Variants in PTBP2 observed in about 807,000 individuals in gnomAD.
The protein encoded by PTBP2 is polypyrimidine tract-binding protein 2.
PTBP2 carries 13 observed loss-of-function variants against 61.4 expected under a neutral mutation model. The observed-to-expected ratio is 0.21, with a 90% CI of 0.14 to 0.34. The LOEUF (loss-of-function observed/expected upper bound fraction) is 0.34, where lower values mean the gene tolerates loss of function less well. Among genes scored for constraint, PTBP2 ranks in the 10% least tolerant of loss-of-function variants. The probability of loss-of-function intolerance (pLI) is 1.00; values close to 1 mark genes in which losing one functional copy is unlikely to be tolerated. For synonymous variants in PTBP2, 215 were observed against 218.5 expected, an observed-to-expected ratio of 0.98 and a Z score of 0.14; for missense variants, 405 against 642.6, an observed-to-expected ratio of 0.63 and a Z score of 4.00.
At chr1:96,742,108 C>T (rs1330005079) in intron 2 of PTBP2, among the ~76,000 whole-genome samples, 1 of 152,154 alleles carries the variant, frequency 6.6e-6, no homozygotes, top group Non-Finnish European at 1.5e-5. Flanking sequence ...CTTATTTATA[C>T]TTGCCTTAAA....
At chr1:96,759,935 A>T (rs1013921415) in intron 3 of PTBP2, among the ~76,000 whole-genome samples, 20 of 152,236 alleles carry the variant, frequency 1.3e-4, no homozygotes, top group African/African-American at 4.8e-4. Context: ...AGCAAGTCAC[A>T]TCTTACGTAG....
intron 2 of PTBP2, among the ~76,000 whole-genome samples, chr1:96,730,266 C>T (rs1179203706): frequency 6.6e-6 from 1 of 151,822 alleles, no homozygotes; most frequent in Non-Finnish European, 1.5e-5. Flanking sequence ...TTAGTTTGAT[C>T]TTCATTTTCT....
At chr1:96,790,809 A>G (rs1570958771) in intron 8 of PTBP2, among the ~76,000 whole-genome samples, 1 of 152,264 alleles carries the variant, frequency 6.6e-6, no homozygotes, top group Non-Finnish European at 1.5e-5. Flanking sequence ...TTAGCCCAGA[A>G]GTATGTAATT....
downstream of PTBP2, chr1:96,816,290 G>T (rs1029033436): frequency 1.3e-5 from 2 of 152,150 alleles, no homozygotes; most frequent in Non-Finnish European, 2.9e-5. Context: ...AATTAACCCA[G>T]GCCTTGGCAT....
chr1:96,787,123 C>T (rs1370170939), intron 8 of PTBP2, among the ~76,000 whole-genome samples: 4 of 152,110 alleles, frequency 2.6e-5, no homozygotes, highest in Admixed American at 6.5e-5. Flanking sequence ...CGGGTTCAAG[C>T]GATTCTCCCG....
intron 3 of PTBP2, among the ~76,000 whole-genome samples, chr1:96,767,198 T>G (rs1656830520): frequency 6.6e-6 from 1 of 152,178 alleles, no homozygotes; most frequent in Non-Finnish European, 1.5e-5. Flanking sequence ...ATTTTACTTC[T>G]GCTTAATATC....
At chr1:96,737,852 A>G (rs1293224539) in intron 2 of PTBP2, among the ~76,000 whole-genome samples, 1 of 152,074 alleles carries the variant, frequency 6.6e-6, no homozygotes, top group Non-Finnish European at 1.5e-5. Flanking sequence ...GTATTGTTAT[A>G]TATGTTTTCA....
At chr1:96,760,754 A>G (rs774233006) in intron 3 of PTBP2, among the ~76,000 whole-genome samples, 13 of 151,984 alleles carry the variant, frequency 8.6e-5, no homozygotes, top group Non-Finnish European at 1.3e-4. Flanking sequence ...CTAGTTTACT[A>G]TTTTCTTACG....
Position 96,781,781 on chromosome 1 carries a change from T to TGA in PTBP2, c.709-3277_709-3276dup, listed in dbSNP as rs201459375. On this transcript the variant is annotated intron_variant, in intron 7 of 13. Coordinates refer to ENST00000674951, the MANE Select transcript of PTBP2 (RefSeq NM_021190.4). ...GCTTTCTGCTGTATTTATTAAACAT[T>TGA]GACATTCAGGGTGAAAATCAGAAGT... Among the ~76,000 whole-genome samples, 1,019 of 152,128 alleles carry TGA rather than the reference T, an allele frequency of 6.7e-3. 16 individuals are homozygous for TGA. Among genetic ancestry groups the TGA allele is most frequent in the African/African-American group, 0.023 (975 of 41,536 alleles).
intron 3 of PTBP2, among the ~76,000 whole-genome samples, chr1:96,767,042 C>T (rs1284444526): frequency 1.3e-5 from 2 of 151,934 alleles, no homozygotes; most frequent in African/African-American, 4.8e-5. Context: ...TGTAAATTGC[C>T]CGGCATGTAG....
intron 8 of PTBP2, among the ~76,000 whole-genome samples, chr1:96,798,396 A>C (rs985040651): frequency 1.8e-4 from 27 of 152,184 alleles, no homozygotes; most frequent in Admixed American, 1.0e-3. Context: ...ACAGAGTGAA[A>C]CTCCATCTCA....
intron 3 of PTBP2, among the ~76,000 whole-genome samples, chr1:96,766,572 G>C (rs1656743755): frequency 6.6e-6 from 1 of 152,040 alleles, no homozygotes; most frequent in South Asian, 2.1e-4. Flanking sequence ...TTTCGGTGTT[G>C]CTGGAGTGTG....
chr1:96,789,977 T>G (rs1659609922), intron 8 of PTBP2, among the ~76,000 whole-genome samples: 1 of 152,172 alleles, frequency 6.6e-6, no homozygotes, highest in Admixed American at 6.5e-5. Context: ...CCAATTATTT[T>G]GAAAATGCTT....
At chr1:96,788,621 A>T (rs1194516182) in intron 8 of PTBP2, among the ~76,000 whole-genome samples, 1 of 152,036 alleles carries the variant, frequency 6.6e-6, no homozygotes, top group Non-Finnish European at 1.5e-5. Flanking sequence ...GAAATAATTG[A>T]TAGAGTATTT....
chr1:96,798,892 A>G (rs1174051385), intron 8 of PTBP2, among the ~76,000 whole-genome samples: 1 of 152,252 alleles, frequency 6.6e-6, no homozygotes, highest in Non-Finnish European at 1.5e-5. Flanking sequence ...GCTAAAAATT[A>G]TAGATACAAT....
intron 2 of PTBP2, among the ~76,000 whole-genome samples, chr1:96,738,698 G>A (rs1652568226): frequency 1.3e-5 from 2 of 152,062 alleles, no homozygotes; most frequent in African/African-American, 4.8e-5. Flanking sequence ...ATATTGGTAG[G>A]AGCTCTTTAT....
intron 3 of PTBP2, among the ~76,000 whole-genome samples, chr1:96,766,392 G>T (rs375280103): frequency 6.6e-6 from 1 of 151,884 alleles, no homozygotes; most frequent in East Asian, 1.9e-4. Flanking sequence ...GGTTTTACAC[G>T]CCCAAACAAA....
At chr1:96,818,204 A>C (rs1021602665), downstream of PTBP2, 1 of 151,906 alleles carries the variant, frequency 6.6e-6, no homozygotes, top group Non-Finnish European at 1.5e-5. Context: ...TGGCATCTCT[A>C]TTTTCATTCA....
intron 3 of PTBP2, among the ~76,000 whole-genome samples, chr1:96,757,584 A>G (rs1197382854): frequency 1.3e-5 from 2 of 152,196 alleles, no homozygotes; most frequent in African/African-American, 2.4e-5. Context: ...GAAAAGTGCT[A>G]TCATGTTGGC....
Sources: gnomAD v4.1 joint callset for allele counts (sites outside exome capture counted in the v4.1 genomes callset) on GRCh38, gnomAD v4.1.1 for gene constraint, MANE v1.5 for transcripts, NCBI Gene and HGNC (gene_info 2026-07-23, HGNC 2026-07-21) for gene names.